The following DSG1 variants were observed in gnomAD, a reference collection of about 807,000 sequenced individuals.
The protein encoded by DSG1 is desmoglein 1.
Under a neutral mutation model 97.5 loss-of-function variants are expected in DSG1, and 39 were observed. The ratio of observed to expected loss-of-function variants is 0.40; its 90% CI spans 0.31 to 0.52. The LOEUF (loss-of-function observed/expected upper bound fraction) is 0.52, where lower values mean the gene tolerates loss of function less well. Among genes scored for constraint, DSG1 ranks in the 20% least tolerant of loss-of-function variants. The pLI, the probability that DSG1 is intolerant of heterozygous loss-of-function variation, is 0.53. For missense variants in DSG1, 1,311 were observed against 1,295.4 expected (o/e 1.01, Z -0.18); for synonymous variants, 475 against 443.4 (o/e 1.07, Z -0.90).
chr18:31,335,538 G>A (rs1310378279), intron 8 of DSG1, among the ~76,000 whole-genome samples: 1 of 146,394 alleles, frequency 6.8e-6, no homozygotes, highest in Admixed American at 6.8e-5. Flanking sequence ...TTATGTGTGT[G>A]TAATGTATAT....
At chr18:31,338,136 A>C (rs902217620) in intron 9 of DSG1, among the ~76,000 whole-genome samples, 179 bp from the exon 10 acceptor site, 1 of 152,168 alleles carries the variant, frequency 6.6e-6, no homozygotes, top group African/African-American at 2.4e-5. Context: ...GTAAATCTTG[A>C]TATATCCCTG....
intron 10 of DSG1, 22 bp downstream of exon 10, chr18:31,338,476 T>C: frequency 8.1e-6 from 13 of 1,609,192 alleles, no homozygotes; most frequent in Non-Finnish European, 1.0e-5. Context: ...ATTTACATTT[T>C]TATCTTTTCT....
At chr18:31,324,771 C>T (rs1399193449) in intron 1 of DSG1, among the ~76,000 whole-genome samples, 2 of 152,180 alleles carry the variant, frequency 1.3e-5, no homozygotes, top group African/African-American at 4.8e-5. Flanking sequence ...TGCTTTGATA[C>T]AGAGACCCTC....
chr18:31,343,455 C>G lies in DSG1; in HGVS notation c.1693C>G (p.Pro565Ala). 2 of 1,614,132 alleles carry G rather than the reference C, an allele frequency of 1.2e-6. No individual in the cohort carries two copies. Among genetic ancestry groups the G allele is most frequent in the Non-Finnish European group, 1.7e-6 (2 of 1,180,010 alleles). ...TACTATCCCTCCACCACCAGTGGTC[C>G]CATTTTTGATGATCTGTTGTGATTG... The part of the protein sequence containing the change: ...IMGFLVLGLV[P>A]FLMICCDCGG... Residue 565 changes from proline to alanine, a missense_variant, in exon 12 of 15, where the codon CCA becomes GCA. This residue lies in a region of DSG1 where 1,038 missense variants were observed against 964.6 expected (regional missense o/e 1.08). Coordinates refer to ENST00000257192, the MANE Select transcript of DSG1 (RefSeq NM_001942.4).
intron 6 of DSG1, among the ~76,000 whole-genome samples, 183 bp from the exon 7 acceptor site, chr18:31,333,406 A>G (rs568380387): frequency 6.1e-4 from 93 of 152,292 alleles, no homozygotes; most frequent in Non-Finnish European, 1.0e-3. Flanking sequence ...CTTTTAAATA[A>G]TGCGTGATAA....
chr18:31,333,164 A>G (rs1598702375), intron 6 of DSG1, among the ~76,000 whole-genome samples: 1 of 152,150 alleles, frequency 6.6e-6, no homozygotes. Flanking sequence ...CAATAATTCC[A>G]CTGCCATAAC....
At position 31,326,917 on chromosome 18, in the gene DSG1, C is replaced by T. The variant is rs766242288; in HGVS notation, c.128C>T (p.Ser43Leu). 2.5e-6 allele frequency: 4 copies of T among 1,613,860 alleles called. No individual in the cohort carries two copies. In the Admixed American group the frequency reaches 5.0e-5, roughly 20 times the overall value. Residue 43 changes from serine to leucine, a missense_variant, in exon 3 of 15, where the codon TCA becomes TTA. Around this residue, in one of 3 missense-constraint regions of DSG1, gnomAD observed 259 missense variants for 304.1 expected, o/e 0.85. Transcript: ENST00000257192. ...NTKNGTIKWH[S>L]IRRQKREWIK... ...AAAAATGGCACCATCAAATGGCATTCAATCCGAAGGCAGAAACGTGAATGG... is the reference window on the plus strand; with the variant it reads ...AAAAATGGCACCATCAAATGGCATTTAATCCGAAGGCAGAAACGTGAATGG...
Position 31,354,929 on chromosome 18 carries a change from C to A in DSG1, c.2733C>A (p.Ile911=). 6.2e-7 allele frequency: 1 copy of A among 1,614,204 alleles called. No homozygotes were observed. The highest frequency in any genetic ancestry group is 1.7e-5 in the Admixed American group (1 of 60,028). Residue 911 remains isoleucine (I), a synonymous_variant, in exon 15 of 15, where the codon ATC becomes ATA. Coordinates refer to ENST00000257192, the MANE Select transcript of DSG1 (RefSeq NM_001942.4). ...CTAGTCTACCCACCTCTCTGACTATCCATCATCCTAGAGAGTCTTCAAATG... is the reference window on the plus strand; with the variant it reads ...CTAGTCTACCCACCTCTCTGACTATACATCATCCTAGAGAGTCTTCAAATG... The part of the protein sequence containing the change: ...PSSSLPTSLT[I]HHPRESSNVV...
intron 13 of DSG1, chr18:31,345,500 C>T (rs2071824932): frequency 6.1e-6 from 1 of 165,236 alleles, no homozygotes; most frequent in South Asian, 1.6e-4. Context: ...CTTCCACTTA[C>T]TCCTCACATC....
At chr18:31,354,043 T>C in intron 14 of DSG1, 1 of 465,120 alleles carries the variant, frequency 2.1e-6, no homozygotes, top group African/African-American at 2.0e-5. Flanking sequence ...ATGTCCAAAG[T>C]ACACAATTAT....
intron 14 of DSG1, among the ~76,000 whole-genome samples, chr18:31,348,263 C>A (rs2144115328): frequency 1.3e-5 from 2 of 150,630 alleles, no homozygotes; most frequent in African/African-American, 4.9e-5. Context: ...ATGATGATTT[C>A]CAATTTCATC....
intron 11 of DSG1, among the ~76,000 whole-genome samples, chr18:31,342,133 C>T (rs2071793691): frequency 6.6e-6 from 1 of 152,030 alleles, no homozygotes; most frequent in African/African-American, 2.4e-5. Flanking sequence ...GGGGTTTCAC[C>T]ATATTGGCCA....
intron 5 of DSG1, among the ~76,000 whole-genome samples, chr18:31,330,854 A>G (rs1274601287): frequency 1.3e-5 from 2 of 152,126 alleles, no homozygotes; most frequent in African/African-American, 4.8e-5. Flanking sequence ...TAATTATATA[A>G]ATTACATAAG....
chr18:31,322,234 G>A (rs8091934), intron 1 of DSG1, among the ~76,000 whole-genome samples: 58,328 of 152,034 alleles, frequency 0.38, 12,741 homozygotes, highest in Non-Finnish European at 0.49. Context: ...TATCCCTTAT[G>A]GTGCCTTGCA....
Position 31,355,374 on chromosome 18 carries a change from T to G in DSG1, c.*28T>G, listed in dbSNP as rs1173206896. 1.2e-6 allele frequency: 2 copies of G among 1,607,766 alleles called. No homozygotes were observed. The highest frequency in any genetic ancestry group is 1.7e-6 in the Non-Finnish European group (2 of 1,175,332). The stretch of plus-strand genomic sequence containing the variant: ...AGGACCCCAGCTCACTTTTTCATAG[T>G]CATTGTGGTTTAGATCCAATTCCCA... On this transcript the variant is annotated 3_prime_UTR_variant, in exon 15 of 15. Coordinates refer to ENST00000257192, the MANE Select transcript of DSG1 (RefSeq NM_001942.4).
At chr18:31,346,636 C>T (rs1428604800) in intron 14 of DSG1, among the ~76,000 whole-genome samples, 1 of 152,150 alleles carries the variant, frequency 6.6e-6, no homozygotes, top group Admixed American at 6.5e-5. Flanking sequence ...CCTACCCATC[C>T]TTCAAGACCC....
At chr18:31,345,174 G>A (rs1359529109) in intron 13 of DSG1, among the ~76,000 whole-genome samples, 1 of 152,020 alleles carries the variant, frequency 6.6e-6, no homozygotes, top group African/African-American at 2.4e-5. Flanking sequence ...TTTGAACAAA[G>A]CACCATAAGA....
intron 14 of DSG1, among the ~76,000 whole-genome samples, chr18:31,347,233 A>G (rs981359295): frequency 2.0e-5 from 3 of 152,210 alleles, no homozygotes; most frequent in Non-Finnish European, 4.4e-5. Context: ...TGAAAACCAT[A>G]GGAATACTTA....
intron 6 of DSG1, 132 bp from the exon 7 acceptor site, chr18:31,333,457 A>G: frequency 4.9e-6 from 5 of 1,027,360 alleles, no homozygotes; most frequent in Non-Finnish European, 7.5e-6. Flanking sequence ...TGGATTTCCC[A>G]TATTCTGTGT....
Sources: allele counts gnomAD v4.1 joint callset (sites outside exome capture counted in the v4.1 genomes callset), GRCh38; gene constraint gnomAD v4.1.1; regional missense constraint gnomAD v4.1.1; transcripts MANE v1.5; gene names NCBI Gene and HGNC (gene_info 2026-07-23, HGNC 2026-07-21).